Variants in GTF2E2 observed in about 807,000 individuals in gnomAD.
GTF2E2 encodes general transcription factor IIE subunit 2.
Under a neutral mutation model 40.5 loss-of-function variants are expected in GTF2E2, and 21 were observed. The observed-to-expected ratio is 0.52, with a 90% CI of 0.37 to 0.75. The LOEUF (loss-of-function observed/expected upper bound fraction) is 0.75. GTF2E2 is among the 30% of genes least tolerant of loss of function. The probability of loss-of-function intolerance (pLI) is 0.00; values close to 1 mark genes in which losing one functional copy is unlikely to be tolerated. For missense variants in GTF2E2, 298 were observed against 338.4 expected, an observed-to-expected ratio of 0.88 and a Z score of 0.94; for synonymous variants, 117 against 121.6, an observed-to-expected ratio of 0.96 and a Z score of 0.25.
intron 2 of GTF2E2, 104 bp downstream of exon 2, chr8:30,653,329 T>A (rs1802346917): frequency 5.1e-6 from 4 of 781,094 alleles, no homozygotes; most frequent in Admixed American, 2.3e-5. Context: ...ACAAAGTGCC[T>A]ATCAACATGA....
intron 2 of GTF2E2, among the ~76,000 whole-genome samples, chr8:30,652,747 A>T (rs1430477132): frequency 2.0e-5 from 3 of 152,252 alleles, no homozygotes; most frequent in Admixed American, 6.5e-5. Context: ...CTACACAAAG[A>T]CTTGTACATG....
chr8:30,581,459 T>A (rs1828513167), intron 6 of GTF2E2, among the ~76,000 whole-genome samples: 1 of 152,180 alleles, frequency 6.6e-6, no homozygotes, highest in Non-Finnish European at 1.5e-5. Context: ...ACACGCTGCA[T>A]AAAGCAAATG....
At chr8:30,630,407 C>T (rs1801406277) in intron 3 of GTF2E2, among the ~76,000 whole-genome samples, 1 of 152,148 alleles carries the variant, frequency 6.6e-6, no homozygotes, top group African/African-American at 2.4e-5. Flanking sequence ...GAACTTTTTC[C>T]ACAGTTTCTA....
intron 2 of GTF2E2, among the ~76,000 whole-genome samples, chr8:30,644,277 T>C (rs961459235): frequency 2.0e-5 from 3 of 152,192 alleles, no homozygotes; most frequent in African/African-American, 4.8e-5. Flanking sequence ...TTTTGTGAAA[T>C]GGAATAATAA....
intron 1 of GTF2E2, among the ~76,000 whole-genome samples, chr8:30,656,658 A>T (rs1225411872): frequency 1.3e-5 from 2 of 152,072 alleles, no homozygotes; most frequent in Non-Finnish European, 2.9e-5. Context: ...AATTTAAAAA[A>T]TGTGCAGGGT....
chr8:30,657,222 G>C lies in GTF2E2; in HGVS notation c.-5+751C>G, dbSNP rs539253479. On this transcript the variant is annotated intron_variant, in intron 1 of 7. Coordinates refer to ENST00000355904, the MANE Select transcript of GTF2E2 (RefSeq NM_002095.6). ...TTTTAGATCTCTGGACCCCCCTATG[G>C]AGTAAACAGGCTACATCACCATGTC... Among the ~76,000 whole-genome samples, 4 of 152,104 alleles carry C rather than the reference G, an allele frequency of 2.6e-5. 1 individual carries two copies. Among genetic ancestry groups the C allele is most frequent in the Non-Finnish European group, 5.9e-5 (4 of 68,026 alleles).
At chr8:30,599,208 C>T (rs1829098931) in intron 6 of GTF2E2, among the ~76,000 whole-genome samples, 1 of 152,108 alleles carries the variant, frequency 6.6e-6, no homozygotes, top group African/African-American at 2.4e-5. Flanking sequence ...TTTGATCCAG[C>T]AATTCAACCT....
chr8:30,618,246 G>A (rs886468968), intron 3 of GTF2E2, among the ~76,000 whole-genome samples: 3 of 111,650 alleles, frequency 2.7e-5, no homozygotes, highest in Admixed American at 1.2e-4. Flanking sequence ...GCGGTGAGCC[G>A]AGGTTGCACT....
At chr8:30,635,414 T>C (rs1261799710) in intron 2 of GTF2E2, among the ~76,000 whole-genome samples, 1 of 152,078 alleles carries the variant, frequency 6.6e-6, no homozygotes, top group African/African-American at 2.4e-5. Flanking sequence ...CAGGGTCGCA[T>C]TCCCATTGCC....
chr8:30,657,425 T>G (rs989361427), intron 1 of GTF2E2: 1 of 152,220 alleles, frequency 6.6e-6, no homozygotes, highest in African/African-American at 2.4e-5. Flanking sequence ...GCCTCGTTAG[T>G]GTCCCTGGCA....
chr8:30,594,798 G>A (rs912698639), intron 6 of GTF2E2, among the ~76,000 whole-genome samples: 1 of 151,296 alleles, frequency 6.6e-6, no homozygotes, highest in Non-Finnish European at 1.5e-5. Context: ...TGGAGGTTGC[G>A]GTGAGCCGAG....
chr8:30,608,351 T>C (rs1829381986), intron 5 of GTF2E2, among the ~76,000 whole-genome samples: 1 of 152,206 alleles, frequency 6.6e-6, no homozygotes, highest in Non-Finnish European at 1.5e-5. Flanking sequence ...ACACAGTATT[T>C]TGTGAAAAGA....
intron 3 of GTF2E2, among the ~76,000 whole-genome samples, chr8:30,629,002 C>T (rs1317642044): frequency 6.6e-6 from 1 of 151,620 alleles, no homozygotes; most frequent in Non-Finnish European, 1.5e-5. Context: ...TTTCTTTATT[C>T]TGTTAATATA....
chr8:30,656,433 T>C (rs1159205190), intron 1 of GTF2E2, among the ~76,000 whole-genome samples: 3 of 152,036 alleles, frequency 2.0e-5, no homozygotes, highest in Non-Finnish European at 2.9e-5. Context: ...AAAAAGTAAA[T>C]TTCTAGAACA....
chr8:30,593,828 CTCTG>C (rs1181926496), intron 6 of GTF2E2, among the ~76,000 whole-genome samples: 4 of 152,190 alleles, frequency 2.6e-5, no homozygotes, highest in Non-Finnish European at 4.4e-5. Flanking sequence ...CTGAAATCTA[CTCTG>C]TCTGATATTA....
chr8:30,607,123 T>A lies in GTF2E2; in HGVS notation c.577A>T (p.Asn193Tyr). ...AGTATTTTCTTCTTATCGGGACGAT[T>A]TACAAATAGTATCTGGTCCCCCAAA... Reference protein sequence around the residue: ...KALGDQILFVNRPDKKKILFF... With the variant: ...KALGDQILFVYRPDKKKILFF... Residue 193 changes from asparagine (N) to tyrosine (Y), a missense_variant, in exon 6 of 8, where the codon AAT (asparagine) becomes TAT (tyrosine). Transcript: ENST00000355904. The A allele has an allele frequency of 6.9e-7, 1 of 1,457,436 alleles. No homozygotes were observed. The highest frequency in any genetic ancestry group is 9.5e-7 in the Non-Finnish European group (1 of 1,050,832). 90.3% of individuals were successfully genotyped at this position (1,457,436 alleles called of 1,614,324 possible).
intron 6 of GTF2E2, among the ~76,000 whole-genome samples, chr8:30,599,618 A>G (rs1237911607): frequency 6.6e-6 from 1 of 151,058 alleles, no homozygotes; most frequent in Non-Finnish European, 1.5e-5. Flanking sequence ...TGGAGTTTGT[A>G]TACCTGGAAA....
At chr8:30,584,027 C>T (rs372693563) in intron 6 of GTF2E2, among the ~76,000 whole-genome samples, 11 of 151,614 alleles carry the variant, frequency 7.3e-5, no homozygotes, top group Non-Finnish European at 1.5e-4. Context: ...AGGATGGTCT[C>T]GATCTCCTGA....
At chr8:30,614,587 G>T in intron 4 of GTF2E2, 21 bp downstream of exon 4, 1 of 1,243,766 alleles carries the variant, frequency 8.0e-7, no homozygotes, top group South Asian at 1.2e-5. Context: ...AATCTCTCTT[G>T]ATAATCAACT....
Sources: allele counts gnomAD v4.1 joint callset (sites outside exome capture counted in the v4.1 genomes callset), GRCh38; gene constraint gnomAD v4.1.1; transcripts MANE v1.5; gene names NCBI Gene and HGNC (gene_info 2026-07-23, HGNC 2026-07-21).